Variants in PARD3 observed in about 807,000 individuals in gnomAD.
PARD3 encodes partitioning defective 3 homolog.
Under a neutral mutation model 155.4 loss-of-function variants are expected in PARD3, and 75 were observed. The ratio of observed to expected loss-of-function variants is 0.48; its 90% CI spans 0.40 to 0.58. The LOEUF (loss-of-function observed/expected upper bound fraction) is 0.58. PARD3 is among the 20% of genes least tolerant of loss of function. The probability of loss-of-function intolerance (pLI) is 0.00; values close to 1 mark genes in which losing one functional copy is unlikely to be tolerated. For missense variants in PARD3, 1,642 were observed against 1,721.7 expected, an observed-to-expected ratio of 0.95 and a Z score of 0.82; for synonymous variants, 576 against 610.5, an observed-to-expected ratio of 0.94 and a Z score of 0.83.
chr10:34,753,502 C>A (rs751809548), intron 1 of PARD3, among the ~76,000 whole-genome samples: 1 of 152,200 alleles, frequency 6.6e-6, no homozygotes, highest in Non-Finnish European at 1.5e-5. Context: ...AAAGACCTTG[C>A]CACATGGACA....
chr10:34,581,147 G>C (rs972377146), intron 2 of PARD3, among the ~76,000 whole-genome samples: 1 of 151,324 alleles, frequency 6.6e-6, no homozygotes, highest in African/African-American at 2.4e-5. Context: ...TTTAAATACA[G>C]CATCTTTAAA....
At chr10:34,670,327 T>A (rs1434133035) in intron 2 of PARD3, among the ~76,000 whole-genome samples, 1 of 152,256 alleles carries the variant, frequency 6.6e-6, no homozygotes, top group Non-Finnish European at 1.5e-5. Context: ...AGGCCGCCGC[T>A]GGCTCTCAGG....
intron 1 of PARD3, among the ~76,000 whole-genome samples, chr10:34,791,588 C>T (rs1344891980): frequency 1.3e-5 from 2 of 152,168 alleles, no homozygotes; most frequent in African/African-American, 2.4e-5. Context: ...AGCCTCAACC[C>T]GTCAGAGCCA....
chr10:34,517,661 T>C (rs1271599665), intron 2 of PARD3, among the ~76,000 whole-genome samples: 2 of 151,994 alleles, frequency 1.3e-5, no homozygotes, highest in African/African-American at 2.4e-5. Flanking sequence ...GTTAGTAAAT[T>C]TGTTTCTCTT....
At chr10:34,297,979 C>T (rs1956984916) in intron 20 of PARD3, among the ~76,000 whole-genome samples, 1 of 152,224 alleles carries the variant, frequency 6.6e-6, no homozygotes, top group African/African-American at 2.4e-5. Context: ...ATCCTGGGTT[C>T]AAAGTCCAGC....
intron 20 of PARD3, among the ~76,000 whole-genome samples, chr10:34,298,335 A>G (rs1957002347): frequency 6.6e-6 from 1 of 152,208 alleles, no homozygotes; most frequent in Admixed American, 6.5e-5. Flanking sequence ...CAGCAGCCTT[A>G]TTACAACCGC....
intron 22 of PARD3, among the ~76,000 whole-genome samples, chr10:34,259,634 G>A (rs1190487209): frequency 6.6e-6 from 1 of 152,180 alleles, no homozygotes; most frequent in Non-Finnish European, 1.5e-5. Context: ...TAGGGCGTGG[G>A]CATCTTTGGG....
intron 2 of PARD3, among the ~76,000 whole-genome samples, chr10:34,684,830 C>CAT (rs1170617641): frequency 2.1e-5 from 1 of 48,558 alleles, no homozygotes; most frequent in Non-Finnish European, 4.8e-5. Flanking sequence ...CACACACACA[C>CAT]ATATATACAC....
intron 2 of PARD3, among the ~76,000 whole-genome samples, chr10:34,681,305 A>G (rs2496736): frequency 0.59 from 88,998 of 151,344 alleles, 27,521 homozygotes; most frequent in Non-Finnish European, 0.67. Flanking sequence ...GGTTGGAGGG[A>G]AAAAAAAAGC....
At position 34,518,806 on chromosome 10, in the gene PARD3, A is replaced by G. The variant is rs866395786; in HGVS notation, c.223-1647T>C. ...AACATTAATGGGTGTGAATATGATA[A>G]TAACAGGATATTTGCATAGCTCAAA... On this transcript the variant is annotated intron_variant, in intron 2 of 24. Transcript: ENST00000374788. Among the ~76,000 whole-genome samples the G allele has an allele frequency of 3.3e-5, 5 of 152,206 alleles. No homozygotes were observed. The South Asian group carries it at 8.3e-4, about 25-fold the overall frequency.
chr10:34,293,605 A>G (rs1216398090), intron 20 of PARD3, among the ~76,000 whole-genome samples: 3 of 151,224 alleles, frequency 2.0e-5, no homozygotes, highest in Non-Finnish European at 4.4e-5. Context: ...TCACACAACT[A>G]CTTCTGTGGA....
chr10:34,465,680 G>A (rs760006601), intron 4 of PARD3, among the ~76,000 whole-genome samples: 10 of 152,088 alleles, frequency 6.6e-5, no homozygotes, highest in South Asian at 2.1e-4. Context: ...AAACTTGTCC[G>A]GACCTGGTTT....
chr10:34,776,993 T>A (rs953423725), intron 1 of PARD3, among the ~76,000 whole-genome samples: 1 of 149,670 alleles, frequency 6.7e-6, no homozygotes, highest in Non-Finnish European at 1.5e-5. Context: ...TGTGCCACCA[T>A]GTCTGGCTAA....
At chr10:34,623,341 T>G (rs1411461198) in intron 2 of PARD3, among the ~76,000 whole-genome samples, 2 of 152,202 alleles carry the variant, frequency 1.3e-5, no homozygotes, top group Non-Finnish European at 2.9e-5. Flanking sequence ...ACATTAGATA[T>G]GCATTATTTA....
chr10:34,182,842 G>A (rs947580802), intron 22 of PARD3, among the ~76,000 whole-genome samples: 2 of 151,492 alleles, frequency 1.3e-5, no homozygotes, highest in Non-Finnish European at 2.9e-5. Flanking sequence ...GTTCTCTTAC[G>A]CCAGGTCATT....
chr10:34,367,217 G>A (rs1197452450), intron 12 of PARD3, among the ~76,000 whole-genome samples: 1 of 152,118 alleles, frequency 6.6e-6, no homozygotes, highest in Non-Finnish European at 1.5e-5. Flanking sequence ...AACGTAATAG[G>A]TTAAAGGAGA....
chr10:34,219,727 C>A lies in PARD3; in HGVS notation c.3419+49930G>T, dbSNP rs116745301. The stretch of plus-strand genomic sequence containing the variant: ...CCTGTAAATCTCTTAGTCATTTTGT[C>A]CCCATCAAAAATCACTTCTAGTCTC... On this transcript the variant is annotated intron_variant, in intron 22 of 24. Transcript: ENST00000374788. Among the ~76,000 whole-genome samples the A allele has an allele frequency of 7.0e-3, 1,064 of 152,210 alleles. 10 individuals are homozygous for A. The highest frequency in any genetic ancestry group is 0.024 in the African/African-American group (1,014 of 41,516).
intron 1 of PARD3, among the ~76,000 whole-genome samples, chr10:34,791,478 G>C (rs917068898): frequency 2.0e-5 from 3 of 152,172 alleles, no homozygotes; most frequent in Non-Finnish European, 4.4e-5. Context: ...AAGAGGACAA[G>C]CTCCTGAGCT....
At chr10:34,515,653 T>TA (rs1476563615) in intron 3 of PARD3, among the ~76,000 whole-genome samples, 1 of 152,176 alleles carries the variant, frequency 6.6e-6, no homozygotes, top group Non-Finnish European at 1.5e-5. Flanking sequence ...TCTCTTTATA[T>TA]ACACCTTCAA....
Sources: allele counts gnomAD v4.1 joint callset (sites outside exome capture counted in the v4.1 genomes callset), GRCh38; gene constraint gnomAD v4.1.1; transcripts MANE v1.5; gene names NCBI Gene and HGNC (gene_info 2026-07-23, HGNC 2026-07-21).